ATAD2B: variants seen among roughly 807,000 people sequenced by gnomAD.
ATAD2B encodes ATPase family AAA domain containing 2B.
ATAD2B carries 40 observed loss-of-function variants against 167.6 expected under a neutral mutation model. That is an observed-to-expected ratio of 0.24 (90% CI 0.19 to 0.31). The LOEUF is 0.31. Ranked by LOEUF, ATAD2B falls within the 10% of genes least tolerant of loss-of-function variation. ATAD2B has a pLI of 1.00. For missense variants in ATAD2B, 1,242 were observed against 1,757.2 expected (o/e 0.71, Z 5.24); for synonymous variants, 579 against 596.5 (o/e 0.97, Z 0.43).
At chr2:23,890,839 T>C (rs1699371188) in intron 2 of ATAD2B, among the ~76,000 whole-genome samples, 1 of 152,184 alleles carries the variant, frequency 6.6e-6, no homozygotes, top group African/African-American at 2.4e-5. Context: ...CAATGCTTAC[T>C]TGGCTTTTAT....
chr2:23,738,385 G>T, the ATAD2B span, among the ~76,000 whole-genome samples: 1 of 152,162 alleles, frequency 6.6e-6, no homozygotes, highest in African/African-American at 2.4e-5. Context: ...AGAGAGTGGG[G>T]ACCAATATTC....
the ATAD2B span, among the ~76,000 whole-genome samples, chr2:23,709,786 T>A: frequency 6.6e-6 from 1 of 152,220 alleles, no homozygotes; most frequent in Non-Finnish European, 1.5e-5. Flanking sequence ...GGATGGCGAA[T>A]GTCTAGAGGA....
chr2:23,683,652 C>T, the ATAD2B span, among the ~76,000 whole-genome samples: 41 of 152,306 alleles, frequency 2.7e-4, no homozygotes, highest in African/African-American at 9.6e-4. Flanking sequence ...TGGGAGCCTC[C>T]GAGGCCACTT....
In ATAD2B at chr2:23,803,721, T is replaced by C. The variant is rs574940118; in HGVS notation, c.2455-5398A>G. On this transcript the variant is annotated intron_variant, in intron 18 of 27. Transcript: ENST00000238789. Reference sequence around the variant, plus strand: ...TCTGTCATGTATATTCTTGTGCATGTATGTTTTAAAGGATAGACATAAAAT... The same window carrying C: ...TCTGTCATGTATATTCTTGTGCATGCATGTTTTAAAGGATAGACATAAAAT... Among the ~76,000 whole-genome samples, 5 of 152,352 alleles carry C rather than the reference T, an allele frequency of 3.3e-5. No individual in the cohort carries two copies. In the South Asian group the frequency reaches 8.3e-4, roughly 25 times the overall value.
At chr2:23,910,036 G>GA (rs1553456618) in intron 1 of ATAD2B, among the ~76,000 whole-genome samples, 2 of 151,476 alleles carry the variant, frequency 1.3e-5, no homozygotes, top group Admixed American at 6.6e-5. Flanking sequence ...CTAATTTTTT[G>GA]TTTTTTTAAT....
chr2:23,695,908 G>A, the ATAD2B span: 1 of 1,544,082 alleles, frequency 6.5e-7, no homozygotes, highest in Non-Finnish European at 8.7e-7. This position sits in a 1 kb window ranked among gnomAD's most constrained non-coding sequence, Gnocchi z 7.6. Context: ...GATGCCGACA[G>A]TCTTAGAGTG....
At chr2:23,793,986 A>C (rs1451005787) in intron 19 of ATAD2B, among the ~76,000 whole-genome samples, 2 of 152,182 alleles carry the variant, frequency 1.3e-5, no homozygotes, top group African/African-American at 4.8e-5. Context: ...AAAACACATA[A>C]AACAAAATTT....
chr2:23,861,009 G>A (rs1694269811), intron 12 of ATAD2B, among the ~76,000 whole-genome samples: 1 of 151,904 alleles, frequency 6.6e-6, no homozygotes, highest in Admixed American at 6.6e-5. Context: ...CTACAAGATA[G>A]GGGTTTTGGG....
chr2:23,832,238 T>A (rs893002498), intron 14 of ATAD2B: 5 of 469,732 alleles, frequency 1.1e-5, no homozygotes, highest in African/African-American at 8.0e-5. Context: ...AGAGAAGACT[T>A]GGTAATCTCA....
intron 1 of ATAD2B, among the ~76,000 whole-genome samples, chr2:23,913,797 A>G (rs1702639779): frequency 6.6e-6 from 1 of 152,052 alleles, no homozygotes; most frequent in South Asian, 2.1e-4. Context: ...ATAACTCAAA[A>G]CCATAGTATG....
At chr2:23,752,372 T>C (rs1675445459) in intron 27 of ATAD2B, among the ~76,000 whole-genome samples, 1 of 151,470 alleles carries the variant, frequency 6.6e-6, no homozygotes, top group Admixed American at 6.6e-5. Context: ...ATGATATGAG[T>C]AATATGAATA....
intron 14 of ATAD2B, among the ~76,000 whole-genome samples, chr2:23,830,841 T>A (rs1046887055): frequency 2.0e-5 from 3 of 151,634 alleles, no homozygotes; most frequent in Non-Finnish European, 4.4e-5. Flanking sequence ...ACAAGACCCT[T>A]AAAAAATAAA....
intron 12 of ATAD2B, 30 bp downstream of exon 12, chr2:23,863,351 A>C (rs747008283): frequency 1.3e-6 from 2 of 1,542,410 alleles, no homozygotes; most frequent in African/African-American, 1.4e-5. Context: ...CAGAACAGAA[A>C]AGACTCTTGA....
At chr2:23,752,443 T>G (rs1675457796) in intron 27 of ATAD2B, among the ~76,000 whole-genome samples, 1 of 150,610 alleles carries the variant, frequency 6.6e-6, no homozygotes, top group African/African-American at 2.4e-5. Flanking sequence ...TACTAAGAGA[T>G]TTCTATATAT....
Position 23,757,961 on chromosome 2 carries a change from A to G in ATAD2B, c.3535T>C (p.Leu1179=). The G allele has an allele frequency of 1.2e-6, 2 of 1,613,606 alleles. No homozygotes were observed. Among genetic ancestry groups the G allele is most frequent in the Non-Finnish European group, 1.7e-6 (2 of 1,179,724 alleles). Residue 1179 remains leucine (L), a synonymous_variant, in exon 25 of 28, where the codon TTA becomes CTA. Transcript: ENST00000238789. ...CTTACCTCAAACTCTCCATTCTCTA[A>G]TAATTTCCTGTCCTCCGTATGGTTC... ...YENHTEDRKL[L]ENGEFEVSTD...
chr2:23,857,251 C>A (rs557210965), intron 13 of ATAD2B, among the ~76,000 whole-genome samples, 164 bp downstream of exon 13: 1 of 152,300 alleles, frequency 6.6e-6, no homozygotes, highest in Non-Finnish European at 1.5e-5. Flanking sequence ...GGCTCACAGG[C>A]TGTGGTGTGC....
chr2:23,751,127 C>T lies in ATAD2B; in HGVS notation c.*919G>A, dbSNP rs1173809907. On this transcript the variant is annotated 3_prime_UTR_variant, in exon 28 of 28. Transcript: ENST00000238789. ...CCACTGACAGAAGAAAAAATGGCCA[C>T]TATCTATTTATTTTCTAGTCATCAT... 6.6e-6 allele frequency: 1 copy of T among 152,114 alleles called. No homozygotes were observed. The highest frequency in any genetic ancestry group is 2.4e-5 in the African/African-American group (1 of 41,436). The allele number at this position is 152,114 out of a possible 1,614,324, so 9.4% of individuals were successfully genotyped here.
intron 4 of ATAD2B, 123 bp from the exon 5 acceptor site, chr2:23,885,952 TTTG>T: frequency 3.4e-6 from 2 of 596,488 alleles, no homozygotes; most frequent in South Asian, 4.5e-5. Context: ...TTTTTTCTTT[TTTG>T]TTTTTTTTAG....
chr2:23,744,513 T>C (rs1406971154), downstream of ATAD2B, among the ~76,000 whole-genome samples: 1 of 152,204 alleles, frequency 6.6e-6, no homozygotes, highest in African/African-American at 2.4e-5. Context: ...CTTGAACACT[T>C]ACTATGTGCC....
Sources: allele counts gnomAD v4.1 joint callset (sites outside exome capture counted in the v4.1 genomes callset), GRCh38; gene constraint gnomAD v4.1.1; non-coding constraint Gnocchi (gnomAD v3.1); transcripts MANE v1.5; gene names NCBI Gene and HGNC (gene_info 2026-07-23, HGNC 2026-07-21).